Variants in POLR1B observed in about 807,000 individuals in gnomAD.
POLR1B encodes DNA-directed RNA polymerase I subunit RPA2.
A neutral mutation model predicts 105.8 loss-of-function variants in POLR1B; 30 were observed. The ratio of observed to expected loss-of-function variants is 0.28; its 90% CI spans 0.21 to 0.38. The LOEUF is 0.38. Among genes scored for constraint, POLR1B ranks in the 10% least tolerant of loss-of-function variants. The pLI, the probability that POLR1B is intolerant of heterozygous loss-of-function variation, is 1.00. For synonymous variants in POLR1B, 485 were observed against 505.1 expected, an observed-to-expected ratio of 0.96 and a Z score of 0.53; for missense variants, 976 against 1,435.8, an observed-to-expected ratio of 0.68 and a Z score of 5.17.
chr2:112,569,581 A>G (rs1415251199), intron 12 of POLR1B, among the ~76,000 whole-genome samples: 1 of 147,330 alleles, frequency 6.8e-6, no homozygotes, highest in Non-Finnish European at 1.5e-5. Context: ...TTTTTTTGAG[A>G]CAGAGTCTCG....
At chr2:112,556,636 T>C (rs1473059912) in intron 7 of POLR1B, among the ~76,000 whole-genome samples, 2 of 152,196 alleles carry the variant, frequency 1.3e-5, no homozygotes, top group Non-Finnish European at 2.9e-5. Context: ...CAATGGCTAA[T>C]GTGTTGACTC....
In POLR1B at chr2:112,575,130, T is replaced by G; in HGVS notation, c.2809T>G (p.Ser937Ala). 6.2e-7 allele frequency: 1 copy of G among 1,614,168 alleles called. No individual in the cohort carries two copies. The highest frequency in any genetic ancestry group is 8.5e-7 in the Non-Finnish European group (1 of 1,180,032). Residue 937 changes from serine (S) to alanine (A), a missense_variant, in exon 15 of 15, where the codon TCT (serine) becomes GCT (alanine). Coordinates refer to ENST00000263331, the MANE Select transcript of POLR1B (RefSeq NM_019014.6). This position sits in a 1 kb window ranked among gnomAD's most constrained non-coding sequence, Gnocchi z 5.3. ...GTTAATTGAGAGTATGGCCGGGAAG[T>G]CTGCAGCTTTGCATGGTCTCTGCCA... ...GMLIESMAGK[S>A]AALHGLCHDA...
In POLR1B at chr2:112,573,589, G is replaced by A; in HGVS notation, c.2299G>A (p.Gly767Ser). The A allele has an allele frequency of 6.2e-7, 1 of 1,614,118 alleles. No individual in the cohort carries two copies. The highest frequency in any genetic ancestry group is 8.5e-7 in the Non-Finnish European group (1 of 1,179,988). Residue 767 changes from glycine to serine, a missense_variant, in exon 14 of 15, where the codon GGC (glycine) becomes AGC (serine). By Grantham distance (56) the Gly-to-Ser change is moderately conservative. Transcript: ENST00000263331. ...TGTGAATAAGGCCTCTTGGGAACGA[G>A]GCTTTGCCCATGGAAGTGTCTACAA... Reference protein sequence around the residue: ...MIVNKASWERGFAHGSVYKSE... With the variant: ...MIVNKASWERSFAHGSVYKSE...
chr2:112,564,378 T>C lies in POLR1B; in HGVS notation c.1625T>C (p.Ile542Thr), dbSNP rs1450482306. Residue 542 changes from isoleucine (I) to threonine (T), a missense_variant, in exon 10 of 15, where the codon ATT (isoleucine) becomes ACT (threonine). Physicochemically the swap from Ile to Thr is moderately conservative, Grantham distance 89. Transcript: ENST00000263331. ...TTTCCTTTACCAGGGGTCACTCCCA[T>C]TGATGGAGCTCCCCACCGATCATAC... ...ALLCNLGVTPIDGAPHRSYSE... is the reference protein window; with the variant it reads ...ALLCNLGVTPTDGAPHRSYSE... 2.5e-6 allele frequency: 4 copies of C among 1,614,150 alleles called. No homozygotes were observed. Among genetic ancestry groups the C allele is most frequent in the Middle Eastern group, 1.6e-4 (1 of 6,062 alleles).
rs565300144 is a variant in POLR1B, at chr2:112,557,691, C to T, written c.1159-219C>T. Among the ~76,000 whole-genome samples the T allele has an allele frequency of 3.8e-4, 58 of 152,294 alleles. 1 individual carries two copies. In the East Asian group the frequency reaches 7.9e-3, roughly 21 times the overall value. ...TCCTGGACTCAAGCGATCCTTCCGC[C>T]TCAGCCTCCCAAGTAGCTGGAACTA... On this transcript the variant is annotated intron_variant, in intron 7 of 14. Transcript: ENST00000263331.
Position 112,573,783 on chromosome 2 carries a change from C to T in POLR1B, c.2493C>T (p.Leu831=), listed in dbSNP as rs764187430. The T allele has an allele frequency of 1.9e-6, 3 of 1,614,112 alleles. No homozygotes were observed. The highest frequency in any genetic ancestry group is 1.7e-6 in the Non-Finnish European group (2 of 1,179,966). The change falls in exon 14 of 15, where the codon CTC becomes CTT. Residue 831 remains leucine (L), a synonymous_variant. Coordinates refer to ENST00000263331, the MANE Select transcript of POLR1B (RefSeq NM_019014.6). ...ATCCGTATTACAGCTACCTCAACCT[C>T]AACACCGGGGAAAGTTTTGTGATGT... ...YGDPYYSYLN[L]NTGESFVMYY...
upstream of POLR1B, chr2:112,542,437 CG>C: frequency 1.5e-6 from 2 of 1,328,578 alleles, no homozygotes; most frequent in Non-Finnish European, 1.0e-6. Flanking sequence ...CGGCGTGTAC[CG>C]AGAGACTGGC....
rs970153168 is a variant in POLR1B at position 112,573,675 on chromosome 2, C to A, written c.2385C>A (p.Gly795=). The A allele has an allele frequency of 2.5e-6, 4 of 1,614,178 alleles. No homozygotes were observed. Among genetic ancestry groups the A allele is most frequent in the Admixed American group, 1.7e-5 (1 of 60,026 alleles). The part of the protein sequence containing the change: ...IKQGDSSLVF[G]IKPGDPRVLQ... The stretch of plus-strand genomic sequence containing the variant: ...AAGGAGATAGTAGCCTGGTGTTTGG[C>A]ATCAAACCTGGTGACCCACGCGTTC... The change falls in exon 14 of 15, where the codon GGC becomes GGA. Residue 795 remains glycine, a synonymous_variant. Coordinates refer to ENST00000263331, the MANE Select transcript of POLR1B (RefSeq NM_019014.6).
chr2:112,566,270 A>G (rs1357834402), intron 10 of POLR1B, among the ~76,000 whole-genome samples: 1 of 152,160 alleles, frequency 6.6e-6, no homozygotes, highest in Non-Finnish European at 1.5e-5. Flanking sequence ...AGGTTAATTC[A>G]CTGTACAGTT....
intron 8 of POLR1B, among the ~76,000 whole-genome samples, chr2:112,558,469 T>A (rs987052288): frequency 6.6e-6 from 1 of 151,928 alleles, no homozygotes; most frequent in Non-Finnish European, 1.5e-5. Context: ...GAGACCAAGG[T>A]AGGAGGGTCA....
At position 112,545,876 on chromosome 2, in the gene POLR1B, G is replaced by A. The variant is rs115099691; in HGVS notation, c.178-1136G>A. ...GCCCAGCCTGGTCTCAAACTCCTGA[G>A]CTCAAGTAGTCCTCCTCTCTCGGTC... On this transcript the variant is annotated intron_variant, in intron 1 of 14. Coordinates refer to ENST00000263331, the MANE Select transcript of POLR1B (RefSeq NM_019014.6). The A allele has an allele frequency of 1.0e-3, 320 of 314,530 alleles. 1 individual carries two copies. Among genetic ancestry groups the A allele is most frequent in the African/African-American group, 6.9e-3 (302 of 43,814 alleles). 19.5% of individuals were successfully genotyped at this position (314,530 alleles called of 1,614,324 possible). A position where few individuals can be genotyped will look rare whatever the true frequency, so the allele number is the denominator to read the frequency against.
Position 112,564,454 on chromosome 2 carries a change from T to A in POLR1B, c.1701T>A (p.Asp567Glu), listed in dbSNP as rs1684175217. The A allele has an allele frequency of 6.2e-6, 10 of 1,614,140 alleles. No individual in the cohort carries two copies. Among genetic ancestry groups the A allele is most frequent in the Non-Finnish European group, 7.6e-6 (9 of 1,180,050 alleles). Residue 567 changes from aspartate to glutamate, a missense_variant, in exon 10 of 15, where the codon GAT becomes GAA. Coordinates refer to ENST00000263331, the MANE Select transcript of POLR1B (RefSeq NM_019014.6). ...ACGGTGTCATGGTTGGCTGGGTGGA[T>A]AAGGATCTTGCTCCAGGCATCGCAG... ...LLDGVMVGWV[D>E]KDLAPGIADS...
At position 112,559,608 on chromosome 2, in the gene POLR1B, G is replaced by T; in HGVS notation, c.1612+34G>T. On this transcript the variant is annotated intron_variant, in intron 9 of 14. Coordinates refer to ENST00000263331, the MANE Select transcript of POLR1B (RefSeq NM_019014.6). ...TGTACAGTGATAAACATCTTGTTTG[G>T]TTATGTGGGTTTTTTTGTGTTCTTT... 3 of 1,586,920 alleles carry T rather than the reference G, an allele frequency of 1.9e-6. No homozygotes were observed. The East Asian group carries it at 6.8e-5, about 36-fold the overall frequency.
chr2:112,560,708 G>C (rs1193424722), intron 9 of POLR1B, among the ~76,000 whole-genome samples: 1 of 152,102 alleles, frequency 6.6e-6, no homozygotes, highest in Non-Finnish European at 1.5e-5. Flanking sequence ...AGTGTTCTCA[G>C]GCAACTAGAA....
rs968935486 is a variant in POLR1B at position 112,553,369 on chromosome 2, G to GT, written c.1158+562dup. ...CGTGCTTCTTATTGGTGACTTTTTTGTTTTTTTTTGAGACAGGGTCTCAGC... is the reference window on the plus strand; with the variant it reads ...CGTGCTTCTTATTGGTGACTTTTTTGTTTTTTTTTTGAGACAGGGTCTCAGC... On this transcript the variant is annotated intron_variant, in intron 7 of 14. Transcript: ENST00000263331. The GT allele has an allele frequency of 1.3e-3, 198 of 150,668 alleles. No individual in the cohort carries two copies. The Middle Eastern group carries it at 0.02, about 16-fold the overall frequency. 9.3% of individuals were successfully genotyped at this position (150,668 alleles called of 1,614,324 possible).
At position 112,572,658 on chromosome 2, in the gene POLR1B, C is replaced by T; in HGVS notation, c.2171C>T (p.Pro724Leu). The change falls in exon 13 of 15, where the codon CCC becomes CTC. Residue 724 changes from proline to leucine, a missense_variant. Coordinates refer to ENST00000263331, the MANE Select transcript of POLR1B (RefSeq NM_019014.6). ...LQTPQSPLVR[P>L]SMYDYYDMDN... ...ACTCCTCAGAGTCCCTTGGTGAGAC[C>T]CTCCATGTATGATTATTATGACATG... The T allele has an allele frequency of 6.2e-7, 1 of 1,613,272 alleles. No individual in the cohort carries two copies. Among genetic ancestry groups the T allele is most frequent in the Non-Finnish European group, 8.5e-7 (1 of 1,179,530 alleles).
intron 10 of POLR1B, among the ~76,000 whole-genome samples, chr2:112,566,135 C>G (rs1360329896): frequency 1.3e-5 from 2 of 152,074 alleles, no homozygotes; most frequent in African/African-American, 4.8e-5. Context: ...AATCACAGCT[C>G]TCCTGTAATT....
chr2:112,561,808 G>A (rs577090545), intron 9 of POLR1B, among the ~76,000 whole-genome samples: 1 of 152,052 alleles, frequency 6.6e-6, no homozygotes, highest in Non-Finnish European at 1.5e-5. Context: ...TGCTGCACTC[G>A]GAGGCAATTT....
intron 9 of POLR1B, among the ~76,000 whole-genome samples, chr2:112,561,338 G>A (rs1044766993): frequency 1.3e-5 from 2 of 152,198 alleles, no homozygotes; most frequent in East Asian, 3.9e-4. Context: ...AGACGGAATC[G>A]CTACCTAACT....
Sources: allele counts gnomAD v4.1 joint callset (sites outside exome capture counted in the v4.1 genomes callset), GRCh38; gene constraint gnomAD v4.1.1; non-coding constraint Gnocchi (gnomAD v3.1); transcripts MANE v1.5; gene names NCBI Gene and HGNC (gene_info 2026-07-23, HGNC 2026-07-21).